The following STK39 variants were observed in gnomAD, a reference collection of about 807,000 sequenced individuals.
The protein encoded by STK39 is serine/threonine kinase 39, also known as STE20/SPS1-related proline-alanine-rich protein kinase.
In STK39, 20 loss-of-function variants were observed where a neutral mutation model predicts 77.8. The ratio of observed to expected loss-of-function variants is 0.26; its 90% CI spans 0.18 to 0.37. STK39 has a LOEUF of 0.37. Ranked by LOEUF, STK39 falls within the 10% of genes least tolerant of loss-of-function variation. The pLI is 1.00. For missense variants in STK39, 479 were observed against 656.5 expected (o/e 0.73, Z 2.95); for synonymous variants, 246 against 234.1 (o/e 1.05, Z -0.47).
At chr2:168,099,008 T>C (rs1032571180) in intron 10 of STK39, among the ~76,000 whole-genome samples, 4 of 152,204 alleles carry the variant, frequency 2.6e-5, no homozygotes, top group African/African-American at 9.6e-5. Context: ...GGAGAGATCA[T>C]GTGGAGAGGT....
At chr2:167,957,649 A>G (rs1691824778) in intron 17 of STK39, among the ~76,000 whole-genome samples, 1 of 152,206 alleles carries the variant, frequency 6.6e-6, no homozygotes, top group Non-Finnish European at 1.5e-5. Flanking sequence ...TGGTGGTGAC[A>G]AAAAGGTCAC....
At chr2:168,246,814 A>G (rs1463809060) in intron 1 of STK39, among the ~76,000 whole-genome samples, 2 of 151,912 alleles carry the variant, frequency 1.3e-5, no homozygotes, top group African/African-American at 2.4e-5. Flanking sequence ...CTGGAAACCC[A>G]GGGCGGGGCC....
chr2:168,194,700 T>G (rs1049609439), intron 1 of STK39, among the ~76,000 whole-genome samples: 1 of 152,182 alleles, frequency 6.6e-6, no homozygotes, highest in African/African-American at 2.4e-5. Flanking sequence ...CCTCAAACAT[T>G]ATGGGTAAAG....
intron 10 of STK39, among the ~76,000 whole-genome samples, chr2:168,078,607 T>C (rs908994814): frequency 6.6e-6 from 1 of 152,162 alleles, no homozygotes; most frequent in Non-Finnish European, 1.5e-5. Context: ...ATTTCTACGA[T>C]AGCATCCTAA....
At chr2:168,076,825 A>T (rs74316231) in intron 10 of STK39, among the ~76,000 whole-genome samples, 1 of 152,130 alleles carries the variant, frequency 6.6e-6, no homozygotes, top group Non-Finnish European at 1.5e-5. Flanking sequence ...AGTTGCTCTA[A>T]AAGTCTTTTC....
intron 10 of STK39, among the ~76,000 whole-genome samples, chr2:168,125,694 C>T (rs2105499030): frequency 6.6e-6 from 1 of 152,290 alleles, no homozygotes; most frequent in African/African-American, 2.4e-5. Flanking sequence ...TAAATATCCT[C>T]AGTTTCTACA....
At chr2:167,960,988 T>C (rs1691940433) in intron 17 of STK39, among the ~76,000 whole-genome samples, 1 of 152,164 alleles carries the variant, frequency 6.6e-6, no homozygotes, top group Non-Finnish European at 1.5e-5. Context: ...TGTAATCCAG[T>C]TCCCAAGGGA....
At chr2:168,195,482 T>G (rs536776470) in intron 1 of STK39, among the ~76,000 whole-genome samples, 1 of 152,304 alleles carries the variant, frequency 6.6e-6, no homozygotes, top group South Asian at 2.1e-4. Flanking sequence ...CATAATTTAA[T>G]AAAGTCTGGT....
At chr2:168,029,980 C>T (rs1684793436) in intron 14 of STK39, among the ~76,000 whole-genome samples, 1 of 152,142 alleles carries the variant, frequency 6.6e-6, no homozygotes, top group Non-Finnish European at 1.5e-5. Context: ...GTGGCTCATG[C>T]CTGTAATCCA....
chr2:168,211,380 A>T (rs1461327814), intron 1 of STK39, among the ~76,000 whole-genome samples: 1 of 152,232 alleles, frequency 6.6e-6, no homozygotes, highest in Non-Finnish European at 1.5e-5. Context: ...TTTATTGGTC[A>T]GCACACATTC....
intron 16 of STK39, among the ~76,000 whole-genome samples, chr2:167,988,344 T>G (rs1393938783): frequency 6.6e-6 from 1 of 152,130 alleles, no homozygotes; most frequent in African/African-American, 2.4e-5. Flanking sequence ...GGGACCCAAA[T>G]AGTGAACCGA....
intron 16 of STK39, among the ~76,000 whole-genome samples, chr2:167,973,785 CA>C (rs1683185382): frequency 1.3e-5 from 2 of 152,070 alleles, no homozygotes; most frequent in Admixed American, 1.3e-4. Flanking sequence ...AAGGTTTGAA[CA>C]GTTATGGAAG....
intron 10 of STK39, among the ~76,000 whole-genome samples, chr2:168,093,093 T>C (rs1177970904): frequency 6.6e-6 from 1 of 152,248 alleles, no homozygotes; most frequent in Non-Finnish European, 1.5e-5. Context: ...ATGTTCAGCA[T>C]CTTTCCCAGG....
chr2:168,219,381 A>G (rs1257567698), intron 1 of STK39, among the ~76,000 whole-genome samples: 2 of 152,148 alleles, frequency 1.3e-5, no homozygotes, highest in African/African-American at 4.8e-5. Context: ...CTAGCAGAAT[A>G]CAGATAAGTC....
chr2:168,129,398 G>T, intron 10 of STK39, 143 bp downstream of exon 10: 2 of 856,324 alleles, frequency 2.3e-6, no homozygotes, highest in South Asian at 1.8e-5. Context: ...AAAGGCAAAT[G>T]CAGTTATCTG....
At chr2:168,245,554 C>T (rs933654629) in intron 1 of STK39, among the ~76,000 whole-genome samples, 3 of 152,214 alleles carry the variant, frequency 2.0e-5, no homozygotes, top group East Asian at 1.9e-4. Context: ...TCACACTCAC[C>T]TTGGAAGCGG....
chr2:167,977,234 T>C (rs1417719790), intron 16 of STK39, among the ~76,000 whole-genome samples: 1 of 152,186 alleles, frequency 6.6e-6, no homozygotes, highest in Admixed American at 6.5e-5. Flanking sequence ...GAATTTCCTT[T>C]AATGTGTTTA....
chr2:167,962,809 G>T (rs148053331), intron 17 of STK39, among the ~76,000 whole-genome samples: 2 of 152,316 alleles, frequency 1.3e-5, no homozygotes, highest in African/African-American at 4.8e-5. Flanking sequence ...TGTTGAGAGC[G>T]TGGGCACTGA....
At chr2:168,171,028 G>A (rs1383957186) in intron 2 of STK39, among the ~76,000 whole-genome samples, 1 of 152,196 alleles carries the variant, frequency 6.6e-6, no homozygotes, top group Non-Finnish European at 1.5e-5. Flanking sequence ...GAACACAGTG[G>A]CTCCCTTGGA....
Sources: allele counts gnomAD v4.1 joint callset (sites outside exome capture counted in the v4.1 genomes callset), GRCh38; gene constraint gnomAD v4.1.1; transcripts MANE v1.5; gene names NCBI Gene and HGNC (gene_info 2026-07-23, HGNC 2026-07-21).